Variants in TPCN1 observed in about 807,000 individuals in gnomAD.
TPCN1 encodes two pore segment channel 1, also known as two pore channel protein 1.
Under a neutral mutation model 108.8 loss-of-function variants are expected in TPCN1, and 52 were observed. The ratio of observed to expected loss-of-function variants is 0.48; its 90% CI spans 0.38 to 0.60. TPCN1 has a LOEUF of 0.60. TPCN1 is among the 20% of genes least tolerant of loss of function. The probability of loss-of-function intolerance (pLI) is 0.00; values close to 1 mark genes in which losing one functional copy is unlikely to be tolerated. For synonymous variants in TPCN1, 446 were observed against 433.7 expected, an observed-to-expected ratio of 1.03 and a Z score of -0.35; for missense variants, 806 against 1,072.8, an observed-to-expected ratio of 0.75 and a Z score of 3.47.
rs1956318807 is a variant in TPCN1 at position 113,293,037 on chromosome 12, G to A, written c.2217G>A (p.Arg739=). 1.9e-6 allele frequency: 3 copies of A among 1,613,056 alleles called. No homozygotes were observed. The highest frequency in any genetic ancestry group is 1.7e-5 in the Admixed American group (1 of 59,978). ...EARGASSDVT[R]LLETLSQMER... is the part of the protein sequence containing the mutation. Reference sequence around the variant, plus strand: ...GGGGGGCCTCCTCGGATGTCACCAGGCTGCTGGAGACCCTCTCCCAGATGG... The same window carrying A: ...GGGGGGCCTCCTCGGATGTCACCAGACTGCTGGAGACCCTCTCCCAGATGG... The change falls in exon 26 of 28, where the codon AGG becomes AGA. Residue 739 remains arginine (R), a synonymous_variant. Transcript: ENST00000335509.
At chr12:113,224,753 A>T (rs532699513) in intron 1 of TPCN1, among the ~76,000 whole-genome samples, 27 of 150,492 alleles carry the variant, frequency 1.8e-4, no homozygotes, top group East Asian at 4.0e-4. Context: ...TAATTAAATT[A>T]ATTTATTTAT....
intron 10 of TPCN1, among the ~76,000 whole-genome samples, chr12:113,275,330 C>A (rs970198064): frequency 2.7e-5 from 4 of 150,206 alleles, no homozygotes; most frequent in Non-Finnish European, 5.9e-5. Context: ...CGCCGCCTCC[C>A]AGGTTCAAGC....
chr12:113,265,382 C>T (rs1955217311), intron 3 of TPCN1, among the ~76,000 whole-genome samples: 1 of 152,052 alleles, frequency 6.6e-6, no homozygotes. Flanking sequence ...CCCAGCATTC[C>T]TCAGGGAAGG....
chr12:113,240,505 A>G (rs1215379080), intron 2 of TPCN1, among the ~76,000 whole-genome samples: 9 of 152,158 alleles, frequency 5.9e-5, no homozygotes, highest in Non-Finnish European at 1.3e-4. Context: ...AAATCAGTAT[A>G]TGATTGTCTA....
intron 14 of TPCN1, among the ~76,000 whole-genome samples, chr12:113,279,295 A>ATGTGTGTGTGTGTATATATATATATG (rs1566188778): frequency 1.2e-4 from 16 of 134,452 alleles, no homozygotes; most frequent in African/African-American, 4.2e-4. Context: ...AATAACACAT[A>ATGTGTGTGTGTGTATATATATATATG]TGTGTGTGTG....
chr12:113,237,625 C>T (rs943891907), intron 2 of TPCN1, among the ~76,000 whole-genome samples: 4 of 152,184 alleles, frequency 2.6e-5, no homozygotes, highest in Non-Finnish European at 5.9e-5. Context: ...TCCCAAGGTG[C>T]TGGGATTACA....
chr12:113,287,381 T>C (rs759672951), intron 19 of TPCN1: 7 of 407,754 alleles, frequency 1.7e-5, no homozygotes, highest in Non-Finnish European at 2.2e-5. Flanking sequence ...CAGGAGCCCA[T>C]ATGCTCAAGT....
rs150115089 is a variant in TPCN1 at position 113,293,015 on chromosome 12, G to A, written c.2195G>A (p.Gly732Glu). 13 of 1,613,272 alleles carry A rather than the reference G, an allele frequency of 8.1e-6. No individual in the cohort carries two copies. In the African/African-American group the frequency reaches 1.1e-4, roughly 13 times the overall value. ...AVLELYREAR[G>E]ASSDVTRLLE... ...CTGGAGCTCTACCGGGAGGCACGGG[G>A]GGCCTCCTCGGATGTCACCAGGCTG... The change falls in exon 26 of 28, where the codon GGG becomes GAG. Residue 732 changes from glycine (G) to glutamate (E), a missense_variant. Transcript: ENST00000335509.
intron 2 of TPCN1, 26 bp downstream of exon 2, chr12:113,226,990 G>T: frequency 6.3e-7 from 1 of 1,582,456 alleles, no homozygotes; most frequent in South Asian, 1.1e-5. Flanking sequence ...GGGCTGGGGG[G>T]ACCCCAGCTT....
rs1955697026 is a variant in TPCN1, at chr12:113,277,003, C to T, written c.1027C>T (p.Gln343Ter). ...GCTACTGCACAAGCGAACCGCTATC[C>T]AGCATGCCTACCGCCTGCTCATCAG... The part of the protein sequence containing the change: ...SLLLHKRTAI[Q>*]HAYRLLISQR... Residue 343 changes from glutamine (Q) to a stop codon, truncating the protein, a stop_gained, in exon 11 of 28, where the codon CAG becomes TAG. Transcript: ENST00000335509. LOFTEE classifies it high-confidence loss of function. The T allele has an allele frequency of 6.2e-7, 1 of 1,613,906 alleles. No homozygotes were observed. Among genetic ancestry groups the T allele is most frequent in the African/African-American group, 1.3e-5 (1 of 74,940 alleles).
intron 2 of TPCN1, among the ~76,000 whole-genome samples, chr12:113,235,783 A>T (rs1161115915): frequency 6.6e-6 from 1 of 152,070 alleles, no homozygotes; most frequent in African/African-American, 2.4e-5. Context: ...AAGGTGGAAG[A>T]TGGGGGCAGG....
At chr12:113,230,818 TG>T (rs1356125066) in intron 2 of TPCN1, among the ~76,000 whole-genome samples, 1 of 152,198 alleles carries the variant, frequency 6.6e-6, no homozygotes, top group African/African-American at 2.4e-5. Context: ...CAACAAATAG[TG>T]GTCAGAATCA....
intron 2 of TPCN1, among the ~76,000 whole-genome samples, chr12:113,239,442 C>G (rs1017306493): frequency 5.9e-5 from 9 of 152,154 alleles, no homozygotes; most frequent in Non-Finnish European, 1.2e-4. Context: ...GTGCCTCTTT[C>G]TGGTAGTACA....
At chr12:113,241,175 G>A (rs913452044) in intron 2 of TPCN1, among the ~76,000 whole-genome samples, 1 of 152,234 alleles carries the variant, frequency 6.6e-6, no homozygotes, top group Non-Finnish European at 1.5e-5. Context: ...AGGGAAGGCC[G>A]AAAGCAGTGC....
intron 2 of TPCN1, among the ~76,000 whole-genome samples, chr12:113,236,579 C>T (rs907298048): frequency 7.3e-5 from 11 of 151,682 alleles, no homozygotes; most frequent in Admixed American, 7.2e-4. Context: ...TCACTGCACT[C>T]CAGCCTGCCT....
At position 113,272,153 on chromosome 12, in the gene TPCN1, T is replaced by C. The variant is rs1020888705; in HGVS notation, c.749-505T>C. On this transcript the variant is annotated intron_variant, in intron 7 of 27. Transcript: ENST00000335509. This position sits in a 1 kb window ranked among gnomAD's most constrained non-coding sequence, Gnocchi z 4.1. ...TTCCCCTGAGGGCAGAGTTCCTCCC[T>C]TTTCCCACTCAGGATTTCAGGGACT... Among the ~76,000 whole-genome samples, 3 of 152,116 alleles carry C rather than the reference T, an allele frequency of 2.0e-5. No individual in the cohort carries two copies. Among genetic ancestry groups the C allele is most frequent in the African/African-American group, 7.2e-5 (3 of 41,426 alleles).
At chr12:113,243,843 G>A (rs1489702776) in intron 2 of TPCN1, among the ~76,000 whole-genome samples, 1 of 152,182 alleles carries the variant, frequency 6.6e-6, no homozygotes, top group Non-Finnish European at 1.5e-5. Flanking sequence ...GATGTCTGTT[G>A]TGTGTTCCTC....
intron 2 of TPCN1, among the ~76,000 whole-genome samples, chr12:113,227,493 C>T (rs1413110821): frequency 6.6e-6 from 1 of 152,134 alleles, no homozygotes; most frequent in Non-Finnish European, 1.5e-5. Flanking sequence ...CTTTGTCTTC[C>T]TCTGAACCAA....
intron 2 of TPCN1, among the ~76,000 whole-genome samples, chr12:113,254,820 A>C (rs1954773279): frequency 6.6e-6 from 1 of 152,236 alleles, no homozygotes; most frequent in Non-Finnish European, 1.5e-5. Context: ...CGAAGTAGAC[A>C]CAGAAAGTGT....
Sources: allele counts gnomAD v4.1 joint callset (sites outside exome capture counted in the v4.1 genomes callset), GRCh38; gene constraint gnomAD v4.1.1; non-coding constraint Gnocchi (gnomAD v3.1); transcripts MANE v1.5; gene names NCBI Gene and HGNC (gene_info 2026-07-23, HGNC 2026-07-21).